GLIS3: variants seen among roughly 807,000 people sequenced by gnomAD.
The protein encoded by GLIS3 is zinc finger protein GLIS3.
In GLIS3, 53 loss-of-function variants were observed where a neutral mutation model predicts 78.6. The observed-to-expected ratio is 0.67, with a 90% CI of 0.54 to 0.85. GLIS3 has a LOEUF of 0.85. Among genes scored for constraint, GLIS3 ranks in the 40% least tolerant of loss-of-function variants. GLIS3 has a pLI of 0.00. For missense variants in GLIS3, 1,703 were observed against 1,231.1 expected (o/e 1.38, Z -5.74); for synonymous variants, 684 against 509.9 (o/e 1.34, Z -4.60).
intron 9 of GLIS3, among the ~76,000 whole-genome samples, chr9:3,832,910 C>G (rs1163420819): frequency 6.6e-6 from 1 of 152,190 alleles, no homozygotes; most frequent in Non-Finnish European, 1.5e-5. Context: ...GAGACTTTCA[C>G]TGGCCTTTCA....
the GLIS3 span, among the ~76,000 whole-genome samples, chr9:4,482,972 A>C: frequency 6.6e-6 from 1 of 152,208 alleles, no homozygotes; most frequent in East Asian, 1.9e-4. Flanking sequence ...AAAACATTCT[A>C]ACAAGTCTTT....
At chr9:4,357,488 C>T in the GLIS3 span, among the ~76,000 whole-genome samples, 4 of 152,072 alleles carry the variant, frequency 2.6e-5, no homozygotes, top group African/African-American at 7.2e-5. Flanking sequence ...ATCCCATAAA[C>T]TCTCCTGGGT....
chr9:4,123,951 A>G, intron 3 of GLIS3: 2 of 391,162 alleles, frequency 5.1e-6, no homozygotes, highest in Non-Finnish European at 9.0e-6. Flanking sequence ...TTCCACTTCC[A>G]TCCACTCCCA....
chr9:4,198,700 G>T (rs962367188), intron 2 of GLIS3, among the ~76,000 whole-genome samples: 1 of 151,932 alleles, frequency 6.6e-6, no homozygotes, highest in Non-Finnish European at 1.5e-5. Flanking sequence ...CTAGATACAA[G>T]AAATCCAGAG....
rs536842680 is a variant in GLIS3, at chr9:3,916,156, C to A, written c.1983+16204G>T. Among the ~76,000 whole-genome samples, 7 of 152,264 alleles carry A rather than the reference C, an allele frequency of 4.6e-5. No homozygotes were observed. In the South Asian group the frequency reaches 1.4e-3, roughly 32 times the overall value. The stretch of plus-strand genomic sequence containing the variant: ...AAAGCCTGTGCTTTTTAGCAGAAAC[C>A]CAAGAGTCTGTTGACAATAGAAAGC... On this transcript the variant is annotated intron_variant, in intron 6 of 10. Transcript: ENST00000381971.
chr9:4,001,058 T>C (rs1821094457), intron 4 of GLIS3, among the ~76,000 whole-genome samples: 1 of 152,234 alleles, frequency 6.6e-6, no homozygotes, highest in Non-Finnish European at 1.5e-5. Context: ...GTTAATTTTA[T>C]GTCATGCACT....
At chr9:3,900,349 A>G (rs962549196) in intron 6 of GLIS3, among the ~76,000 whole-genome samples, 2 of 152,164 alleles carry the variant, frequency 1.3e-5, no homozygotes, top group South Asian at 2.1e-4. Flanking sequence ...TTGTTCAACA[A>G]TGTTCATAGG....
At chr9:3,855,847 A>G in intron 9 of GLIS3, 162 bp downstream of exon 9, 1 of 763,534 alleles carries the variant, frequency 1.3e-6, no homozygotes. Context: ...AAAATACCAT[A>G]GGATTTCATG....
chr9:4,381,123 AG>A, the GLIS3 span, among the ~76,000 whole-genome samples: 1 of 152,210 alleles, frequency 6.6e-6, no homozygotes, highest in African/African-American at 2.4e-5. Flanking sequence ...GAACCAAGTA[AG>A]TGAGAAAACA....
At chr9:4,017,222 GT>G (rs910314782) in intron 4 of GLIS3, among the ~76,000 whole-genome samples, 3 of 152,104 alleles carry the variant, frequency 2.0e-5, no homozygotes, top group Admixed American at 6.5e-5. Flanking sequence ...ATTTTCTTAG[GT>G]GAAGAGAGAT....
chr9:3,917,936 AT>A (rs1322086069), intron 6 of GLIS3, among the ~76,000 whole-genome samples: 1 of 152,194 alleles, frequency 6.6e-6, no homozygotes, highest in East Asian at 1.9e-4. Flanking sequence ...GAAAAGAATG[AT>A]TGTATTGGCG....
chr9:3,872,834 T>A, intron 8 of GLIS3, among the ~76,000 whole-genome samples: 1 of 151,842 alleles, frequency 6.6e-6, no homozygotes, highest in Admixed American at 6.6e-5. Context: ...GTAGAAAGAT[T>A]ACAAATAAAC....
At chr9:3,875,444 C>G (rs1309463366) in intron 8 of GLIS3, 1 of 151,766 alleles carries the variant, frequency 6.6e-6, no homozygotes, top group African/African-American at 2.4e-5. Context: ...TTTTTTTTAG[C>G]ATGTGAAAGC....
At chr9:4,333,491 C>T (rs1409754475) in intron 2 of GLIS3, among the ~76,000 whole-genome samples, 1 of 152,142 alleles carries the variant, frequency 6.6e-6, no homozygotes, top group Non-Finnish European at 1.5e-5. Flanking sequence ...GATTTCTAGT[C>T]TTCTGAGTGG....
intron 4 of GLIS3, among the ~76,000 whole-genome samples, chr9:3,994,946 G>C (rs774459456): frequency 6.6e-6 from 1 of 152,214 alleles, no homozygotes; most frequent in South Asian, 2.1e-4. Flanking sequence ...GGAGCAGAGA[G>C]CAAGAGTTGG....
chr9:4,079,782 A>G (rs1828394226), intron 4 of GLIS3, among the ~76,000 whole-genome samples: 1 of 152,066 alleles, frequency 6.6e-6, no homozygotes, highest in Non-Finnish European at 1.5e-5. Flanking sequence ...CCTACCTGAA[A>G]CAGGTTGCTG....
At chr9:4,150,499 CA>C (rs922877113) in intron 2 of GLIS3, among the ~76,000 whole-genome samples, 5 of 152,222 alleles carry the variant, frequency 3.3e-5, no homozygotes, top group Admixed American at 6.5e-5. Context: ...GGTAAGATCA[CA>C]TACCATCTAG....
At chr9:4,300,790 G>T (rs1368911630), upstream of GLIS3, among the ~76,000 whole-genome samples, 1 of 151,856 alleles carries the variant, frequency 6.6e-6, no homozygotes, top group Non-Finnish European at 1.5e-5. Context: ...TCTGCTCCTA[G>T]TAGTTCATCA....
At chr9:3,978,348 A>G (rs1481658128) in intron 4 of GLIS3, among the ~76,000 whole-genome samples, 1 of 152,188 alleles carries the variant, frequency 6.6e-6, no homozygotes, top group East Asian at 1.9e-4. Context: ...AACTATTACT[A>G]TATTGGTATA....
Sources: allele counts gnomAD v4.1 joint callset (sites outside exome capture counted in the v4.1 genomes callset), GRCh38; gene constraint gnomAD v4.1.1; transcripts MANE v1.5; gene names NCBI Gene and HGNC (gene_info 2026-07-23, HGNC 2026-07-21).